Variants in SLC28A3 observed in about 807,000 individuals in gnomAD.
SLC28A3 encodes solute carrier family 28 member 3.
In SLC28A3, 68 loss-of-function variants were observed where a neutral mutation model predicts 84.2. That is an observed-to-expected ratio of 0.81 (90% CI 0.66 to 0.99). The LOEUF is 0.99. Ranked by LOEUF, SLC28A3 falls within the 50% of genes least tolerant of loss-of-function variation. The pLI is 0.00. For missense variants in SLC28A3, 712 were observed against 841.5 expected (o/e 0.85, Z 1.90); for synonymous variants, 267 against 303.6 (o/e 0.88, Z 1.25).
At chr9:84,307,392 T>C (rs1183532316) in intron 3 of SLC28A3, among the ~76,000 whole-genome samples, 2 of 145,190 alleles carry the variant, frequency 1.4e-5, no homozygotes, top group Non-Finnish European at 3.0e-5. Flanking sequence ...AATTGCGCCA[T>C]TGGATTCCAG....
chr9:84,364,120 CTTTTTTTT>C, the SLC28A3 span, among the ~76,000 whole-genome samples: 4 of 85,294 alleles, frequency 4.7e-5, no homozygotes, highest in Non-Finnish European at 8.5e-5. Flanking sequence ...CAGTTACACT[CTTTTTTTT>C]TTTTTTTTTT....
At chr9:84,286,521 A>C (rs1173959544) in intron 12 of SLC28A3, among the ~76,000 whole-genome samples, 1 of 145,424 alleles carries the variant, frequency 6.9e-6, no homozygotes, top group Non-Finnish European at 1.5e-5. Flanking sequence ...TTCTGGGCTT[A>C]AGCGATCCTC....
Position 84,320,041 on chromosome 9 carries a change from T to TTTTTTG in SLC28A3, c.61-6588_61-6587insCAAAAA, listed in dbSNP as rs1491299961. Among the ~76,000 whole-genome samples, 178 of 80,874 alleles carry TTTTTTG rather than the reference T, an allele frequency of 2.2e-3. 7 individuals carry two copies. The highest frequency in any genetic ancestry group is 3.8e-3 in the African/African-American group (51 of 13,416). The allele number at this position is 80,874 out of a possible 152,430, so 53.1% of individuals were successfully genotyped here. ...ACTCATTCCAGCCTGGCTTGCACTG[T>TTTTTTG]TTTTTTTTTTTTTTTTTTTTTTTTT... On this transcript the variant is annotated intron_variant, in intron 1 of 17. Coordinates refer to ENST00000376238, the MANE Select transcript of SLC28A3 (RefSeq NM_001199633.2).
Position 84,302,374 on chromosome 9 carries a change from A to G in SLC28A3, c.350T>C (p.Val117Ala), listed in dbSNP as rs776573229. The G allele has an allele frequency of 1.9e-6, 3 of 1,613,712 alleles. No homozygotes were observed. The highest frequency in any genetic ancestry group is 2.2e-5 in the South Asian group (2 of 91,042). Reference sequence around the variant, plus strand: ...AAAGTTCAGCACACAGGCCGAAATCACCATAACCAGATAACCTGTCCAGGA... The same window carrying G: ...AAAGTTCAGCACACAGGCCGAAATCGCCATAACCAGATAACCTGTCCAGGA... ...GILLAGYLVM[V>A]ISACVLNFHR... The change falls in exon 5 of 18, where the codon GTG becomes GCG. Residue 117 changes from valine to alanine, a missense_variant. Val to Ala is a moderately conservative substitution (Grantham distance 64). Coordinates refer to ENST00000376238, the MANE Select transcript of SLC28A3 (RefSeq NM_001199633.2).
At chr9:84,287,638 G>A (rs1344709590) in intron 12 of SLC28A3, among the ~76,000 whole-genome samples, 1 of 152,136 alleles carries the variant, frequency 6.6e-6, no homozygotes, top group Non-Finnish European at 1.5e-5. Context: ...GAGGCAGGAG[G>A]AGCCCTTGAG....
In SLC28A3 at chr9:84,279,354, G is replaced by A. The variant is rs771426900; in HGVS notation, c.1860C>T (p.Asn620=). 6 of 1,612,852 alleles carry A rather than the reference G, an allele frequency of 3.7e-6. No individual in the cohort carries two copies. Among genetic ancestry groups the A allele is most frequent in the Non-Finnish European group, 5.1e-6 (6 of 1,179,234 alleles). The stretch of plus-strand genomic sequence containing the variant: ...AGGCATTCTCTAAAACGTGATGGCA[G>A]TTGATGTCCACAGGAGTGCTGGAGA... ...GILSSTPVDI[N]CHHVLENAFN... is the part of the protein sequence containing the mutation. Residue 620 remains asparagine, a synonymous_variant, in exon 17 of 18, where the codon AAC becomes AAT. Coordinates refer to ENST00000376238, the MANE Select transcript of SLC28A3 (RefSeq NM_001199633.2).
chr9:84,294,326 C>T (rs1825339316), intron 8 of SLC28A3, 51 bp from the exon 9 acceptor site: 5 of 1,579,176 alleles, frequency 3.2e-6, no homozygotes, highest in Non-Finnish European at 4.4e-6. Flanking sequence ...GCTGCACCAG[C>T]AGGTTTTATA....
In SLC28A3 at chr9:84,280,013, G is replaced by A. The variant is rs746125522; in HGVS notation, c.1790C>T (p.Ala597Val). The change falls in exon 16 of 18, where the codon GCG becomes GTG. Residue 597 changes from alanine (A) to valine (V), a missense_variant. Coordinates refer to ENST00000376238, the MANE Select transcript of SLC28A3 (RefSeq NM_001199633.2). ...TGTCATGAAGCAGGCCACGGTCCCC[G>A]CAATCAGAGCTCTCACTGCCCCCGA... ...IASGAVRALIAGTVACFMTAC... is the reference protein window; with the variant it reads ...IASGAVRALIVGTVACFMTAC... 24 of 1,613,798 alleles carry A rather than the reference G, an allele frequency of 1.5e-5. No homozygotes were observed. The highest frequency in any genetic ancestry group is 1.8e-5 in the Non-Finnish European group (21 of 1,179,988).
chr9:84,350,042 A>G, the SLC28A3 span, among the ~76,000 whole-genome samples: 1 of 152,254 alleles, frequency 6.6e-6, no homozygotes. Context: ...CTCCTAGACT[A>G]CAAACCTGTA....
At chr9:84,333,051 T>G (rs1826847191) in intron 1 of SLC28A3, among the ~76,000 whole-genome samples, 1 of 152,178 alleles carries the variant, frequency 6.6e-6, no homozygotes, top group Admixed American at 6.5e-5. Flanking sequence ...GTCTATCCCT[T>G]TCTCCAGAGA....
chr9:84,306,747 G>A (rs1825803805), intron 3 of SLC28A3, among the ~76,000 whole-genome samples: 1 of 152,082 alleles, frequency 6.6e-6, no homozygotes, highest in African/African-American at 2.4e-5. Flanking sequence ...CAACAGACAT[G>A]TATTGATTGA....
the SLC28A3 span, among the ~76,000 whole-genome samples, chr9:84,348,514 T>C: frequency 6.6e-6 from 1 of 152,200 alleles, no homozygotes; most frequent in East Asian, 1.9e-4. Context: ...AGCTATCTCA[T>C]GGGTCTGTCA....
chr9:84,334,628 A>T (rs756041581), intron 1 of SLC28A3, among the ~76,000 whole-genome samples: 3 of 148,474 alleles, frequency 2.0e-5, no homozygotes, highest in African/African-American at 5.0e-5. Context: ...TTCACAACGA[A>T]TTTTTTTTTT....
At chr9:84,349,116 G>A in the SLC28A3 span, among the ~76,000 whole-genome samples, 2 of 152,198 alleles carry the variant, frequency 1.3e-5, no homozygotes, top group Non-Finnish European at 2.9e-5. Flanking sequence ...TCAGCAAAGG[G>A]TGGTGGGATT....
chr9:84,288,588 C>T (rs909328811), intron 11 of SLC28A3, among the ~76,000 whole-genome samples: 36 of 151,612 alleles, frequency 2.4e-4, no homozygotes, highest in Admixed American at 1.3e-4. Flanking sequence ...CTTGCTCCGT[C>T]ACCCAGGAGT....
At chr9:84,280,601 G>C (rs1299361425) in intron 15 of SLC28A3, among the ~76,000 whole-genome samples, 200 bp downstream of exon 15, 2 of 152,288 alleles carry the variant, frequency 1.3e-5, no homozygotes, top group African/African-American at 4.8e-5. Flanking sequence ...CTGTATGTTT[G>C]AGAAAATTTT....
chr9:84,329,661 G>A (rs1826700846), intron 1 of SLC28A3, among the ~76,000 whole-genome samples: 1 of 149,038 alleles, frequency 6.7e-6, no homozygotes, highest in South Asian at 2.2e-4. Flanking sequence ...GACAGAGTGA[G>A]ACTCTGTCTT....
intron 1 of SLC28A3, among the ~76,000 whole-genome samples, chr9:84,334,242 T>A (rs1342273789): frequency 2.6e-4 from 39 of 152,110 alleles, no homozygotes. Context: ...GAGGTTGCAG[T>A]GAGCCAAGAT....
intron 1 of SLC28A3, among the ~76,000 whole-genome samples, chr9:84,318,873 A>G (rs1176555202): frequency 6.7e-6 from 1 of 150,000 alleles, no homozygotes; most frequent in Admixed American, 6.7e-5. Flanking sequence ...CTGTCTCAGA[A>G]AAAAAAAAAA....
Sources: allele counts gnomAD v4.1 joint callset (sites outside exome capture counted in the v4.1 genomes callset), GRCh38; gene constraint gnomAD v4.1.1; transcripts MANE v1.5; gene names NCBI Gene and HGNC (gene_info 2026-07-23, HGNC 2026-07-21).